Variants in CROCC2 observed in about 807,000 individuals in gnomAD.
CROCC2 encodes ciliary rootlet coiled-coil protein 2.
A neutral mutation model predicts 177.6 loss-of-function variants in CROCC2; 163 were observed. The observed-to-expected ratio is 0.92, with a 90% CI of 0.81 to 1.05. The LOEUF (loss-of-function observed/expected upper bound fraction) is 1.05. Ranked by LOEUF, CROCC2 falls within the 50% of genes least tolerant of loss-of-function variation. CROCC2 has a pLI of 0.00. For synonymous variants in CROCC2, 904 were observed against 787.3 expected (o/e 1.15, Z -2.48); for missense variants, 1,929 against 1,797.8 (o/e 1.07, Z -1.32).
chr2:240,938,161 G>C (rs1383505945), intron 14 of CROCC2, among the ~76,000 whole-genome samples: 2 of 152,344 alleles, frequency 1.3e-5, no homozygotes, highest in South Asian at 2.1e-4. Context: ...AAGACTTACT[G>C]AATCAGAAAC....
rs77945783 is a variant in CROCC2, at chr2:240,956,372, G to A, written c.2943+400G>A. ...CCAGCCTTGTGGAACTCACTCACCA[G>A]AGAGATCCTTCCAAAGGAGAAACAA... is the stretch of plus-strand genomic sequence containing the variant. On this transcript the variant is annotated intron_variant, in intron 19 of 31. Transcript: ENST00000690015. 934 of 205,088 alleles carry A rather than the reference G, an allele frequency of 4.6e-3. 5 individuals are homozygous for A. Among genetic ancestry groups the A allele is most frequent in the Admixed American group, 9.6e-3 (184 of 19,118 alleles). The allele number at this position is 205,088 out of a possible 1,614,324, so 12.7% of individuals were successfully genotyped here. A position where few individuals can be genotyped will look rare whatever the true frequency, so the allele number is the denominator to read the frequency against.
In CROCC2 at chr2:240,966,594, G is replaced by A. The variant is rs543206393; in HGVS notation, c.4146+185G>A. Among the ~76,000 whole-genome samples the A allele has an allele frequency of 7.2e-5, 11 of 152,226 alleles. No individual in the cohort carries two copies. The South Asian group carries it at 1.4e-3, about 20-fold the overall frequency. ...GCCCAAGTGCCTTGGGTGGCTGGAG[G>A]CCGCCCCCTTCCTTATACCAGGCTG... On this transcript the variant is annotated intron_variant, in intron 25 of 31. Coordinates refer to ENST00000690015, the MANE Select transcript of CROCC2 (RefSeq NM_001351305.2).
chr2:240,962,679 C>A (rs1197035994), intron 20 of CROCC2, among the ~76,000 whole-genome samples: 2 of 152,212 alleles, frequency 1.3e-5, no homozygotes, highest in Non-Finnish European at 1.5e-5. Context: ...TCTGGGCATG[C>A]CCCGCTGGCT....
intron 14 of CROCC2, among the ~76,000 whole-genome samples, chr2:240,938,680 T>C (rs1252519936): frequency 6.6e-6 from 1 of 152,220 alleles, no homozygotes; most frequent in Non-Finnish European, 1.5e-5. Context: ...ATCTTAAATA[T>C]ACTGAATATT....
chr2:240,914,145 G>T (rs1379960370), intron 1 of CROCC2, among the ~76,000 whole-genome samples: 2 of 152,208 alleles, frequency 1.3e-5, no homozygotes, highest in African/African-American at 4.8e-5. Context: ...GAGGAGAACT[G>T]CAGTGGAGCC....
At chr2:240,926,442 G>A (rs2059396142) in intron 5 of CROCC2, among the ~76,000 whole-genome samples, 1 of 152,116 alleles carries the variant, frequency 6.6e-6, no homozygotes. Flanking sequence ...CCCTGAAGCT[G>A]CTGTGGCCTT....
chr2:240,988,620 CAGCTCTTAGGG>C, intron 28 of CROCC2, 108 bp from the exon 29 acceptor site: 1 of 1,099,500 alleles, frequency 9.1e-7, no homozygotes, highest in South Asian at 3.8e-5. Flanking sequence ...CTGACGCTGC[CAGCTCTTAGGG>C]GAATTCAGAG....
chr2:240,980,168 G>C (rs2059789003), intron 27 of CROCC2, among the ~76,000 whole-genome samples: 1 of 46,324 alleles, frequency 2.2e-5, no homozygotes, highest in African/African-American at 1.4e-4. Context: ...TCTGGGGTAG[G>C]AGCCTCAGGA....
At chr2:240,976,065 G>A (rs979734745) in intron 27 of CROCC2, among the ~76,000 whole-genome samples, 1 of 152,244 alleles carries the variant, frequency 6.6e-6, no homozygotes, top group African/African-American at 2.4e-5. Flanking sequence ...ACCCCTGTGA[G>A]ACTGCATCAT....
chr2:240,974,962 G>A (rs1000602511), intron 27 of CROCC2, among the ~76,000 whole-genome samples: 1 of 152,030 alleles, frequency 6.6e-6, no homozygotes, highest in Non-Finnish European at 1.5e-5. Context: ...TGTGGCTTTG[G>A]GCAGGGATGA....
rs1290989207 is a variant in CROCC2, at chr2:240,966,365, C to T, written c.4102C>T (p.Leu1368=). ...LMDVATVQDI[L]RDFVQKLREA... ...GGATGTGGCCACCGTGCAGGACATC[C>T]TGCGGGACTTTGTGCAGAAGCTCCG... The change falls in exon 25 of 32, where the codon CTG becomes TTG. Residue 1368 remains leucine, a synonymous_variant. Coordinates refer to ENST00000690015, the MANE Select transcript of CROCC2 (RefSeq NM_001351305.2). 5.2e-5 allele frequency: 21 copies of T among 402,332 alleles called. No individual in the cohort carries two copies. Among genetic ancestry groups the T allele is most frequent in the Non-Finnish European group, 8.8e-5 (20 of 227,468 alleles). The allele number at this position is 402,332 out of a possible 1,614,324, so 24.9% of individuals were successfully genotyped here.
Position 240,982,886 on chromosome 2 carries a change from C to A in CROCC2, c.4408C>A (p.Leu1470Met). The A allele has an allele frequency of 6.5e-7, 1 of 1,548,372 alleles. No individual in the cohort carries two copies. The highest frequency in any genetic ancestry group is 1.2e-5 in the South Asian group (1 of 83,742). ...GQEKRRLQEQ[L>M]ETLRQALEES... ...TGTGTCTCCTTCCCCCCAGGAGCAA[C>A]TGGAAACGCTGCGCCAGGCTCTTGA... Residue 1470 changes from leucine (L) to methionine (M), a missense_variant, in exon 28 of 32, where the codon CTG (leucine) becomes ATG (methionine). By Grantham distance (15) the Leu-to-Met change is conservative. This residue lies in a region of CROCC2 where 388 missense variants were observed against 352.7 expected (regional missense o/e 1.10). Transcript: ENST00000690015. The surrounding 1 kb of genome is among the most constrained non-coding windows in gnomAD (Gnocchi z 4.7).
Position 240,965,983 on chromosome 2 carries a change from C to G in CROCC2, c.3951C>G (p.Ser1317=), listed in dbSNP as rs1382292334. Residue 1317 remains serine (S), a synonymous_variant, in exon 24 of 32, where the codon TCC becomes TCG. Coordinates refer to ENST00000690015, the MANE Select transcript of CROCC2 (RefSeq NM_001351305.2). ...GGGCCTCCCCGGAGCAGCCTGGTTC[C>G]CCCACCAAAGGTCAGAGTCCTCAGT... ...SPWASPEQPG[S]PTKGSDSSQA... is the part of the protein sequence containing the mutation. 5.1e-6 allele frequency: 7 copies of G among 1,367,990 alleles called. No individual in the cohort carries two copies. The highest frequency in any genetic ancestry group is 6.6e-6 in the Non-Finnish European group (7 of 1,067,778). The allele number at this position is 1,367,990 out of a possible 1,614,324, so 84.7% of individuals were successfully genotyped here. A position where few individuals can be genotyped will look rare whatever the true frequency, so the allele number is the denominator to read the frequency against.
intron 1 of CROCC2, among the ~76,000 whole-genome samples, chr2:240,907,263 A>T (rs542313414): frequency 2.0e-5 from 3 of 152,192 alleles, no homozygotes; most frequent in Admixed American, 6.5e-5. Context: ...CTGGTGTGTG[A>T]CAACAGTGGC....
At chr2:240,988,248 G>C (rs886210013) in intron 28 of CROCC2, among the ~76,000 whole-genome samples, 1 of 151,662 alleles carries the variant, frequency 6.6e-6, no homozygotes, top group Non-Finnish European at 1.5e-5. Context: ...TGGGGATAGT[G>C]ATGCCAATGC....
Position 240,964,477 on chromosome 2 carries a change from C to T in CROCC2, c.3317C>T (p.Ser1106Phe), listed in dbSNP as rs2059663447. The T allele has an allele frequency of 1.3e-6, 2 of 1,548,648 alleles. No homozygotes were observed. The highest frequency in any genetic ancestry group is 1.2e-5 in the South Asian group (1 of 83,970). ...GGCACCCTCGTCAGTTTTAAGCGGT[C>T]CAAGGAGGAGAAGGAGCAGAAGCTG... ...AEQEKASFKR[S>F]KEEKEQKLLI... Residue 1106 changes from serine to phenylalanine, a missense_variant, in exon 22 of 32, where the codon TCC becomes TTC. Ser to Phe is a radical substitution (Grantham distance 155). Around this residue, in one of 3 missense-constraint regions of CROCC2, gnomAD observed 1,397 missense variants for 1,239.9 expected, o/e 1.13. Coordinates refer to ENST00000690015, the MANE Select transcript of CROCC2 (RefSeq NM_001351305.2).
intron 3 of CROCC2, among the ~76,000 whole-genome samples, chr2:240,922,047 A>AG (rs1304090211): frequency 6.6e-6 from 1 of 152,076 alleles, no homozygotes; most frequent in Non-Finnish European, 1.5e-5. Context: ...CTCAATCTCC[A>AG]GGGGGCAGCC....
chr2:240,959,065 G>A lies in CROCC2; in HGVS notation c.2944-236G>A, dbSNP rs529074519. 20 of 496,748 alleles carry A rather than the reference G, an allele frequency of 4.0e-5. No homozygotes were observed. In the Admixed American group the frequency reaches 6.0e-4, roughly 15 times the overall value. 30.8% of individuals were successfully genotyped at this position (496,748 alleles called of 1,614,324 possible). On this transcript the variant is annotated intron_variant, in intron 19 of 31. Coordinates refer to ENST00000690015, the MANE Select transcript of CROCC2 (RefSeq NM_001351305.2). ...TGAGGGGCTGCCTCCTGCTGTGTCC[G>A]TGGGCACTCACACATCACAGCTGTC...
chr2:240,929,002 C>T (rs924075283), intron 5 of CROCC2, among the ~76,000 whole-genome samples: 55 of 145,264 alleles, frequency 3.8e-4, no homozygotes, highest in Non-Finnish European at 4.8e-4. Flanking sequence ...TGCCCTCCAG[C>T]GGGTGCATGG....
Sources: allele counts gnomAD v4.1 joint callset (sites outside exome capture counted in the v4.1 genomes callset), GRCh38; gene constraint gnomAD v4.1.1; regional missense constraint gnomAD v4.1.1; non-coding constraint Gnocchi (gnomAD v3.1); transcripts MANE v1.5; gene names NCBI Gene and HGNC (gene_info 2026-07-23, HGNC 2026-07-21).